The following SGMS1 variants were observed in gnomAD, a reference collection of about 807,000 sequenced individuals.
SGMS1 encodes the protein phosphatidylcholine:ceramide cholinephosphotransferase 1.
A neutral mutation model predicts 46.2 loss-of-function variants in SGMS1; 13 were observed. The ratio of observed to expected loss-of-function variants is 0.28; its 90% CI spans 0.18 to 0.45. SGMS1 has a LOEUF of 0.45. Ranked by LOEUF, SGMS1 falls within the 20% of genes least tolerant of loss-of-function variation. The pLI is 1.00. For missense variants in SGMS1, 324 were observed against 519.9 expected, an observed-to-expected ratio of 0.62 and a Z score of 3.66; for synonymous variants, 203 against 187.8, an observed-to-expected ratio of 1.08 and a Z score of -0.66.
At chr10:50,346,963 G>C (rs114728170) in intron 6 of SGMS1, among the ~76,000 whole-genome samples, 1,792 of 152,200 alleles carry the variant, frequency 0.012, 34 homozygotes, top group African/African-American at 0.041. Context: ...CTTACTCTGG[G>C]AGTCCCAATC....
chr10:50,420,713 A>G (rs1270691623), intron 6 of SGMS1, among the ~76,000 whole-genome samples: 2 of 152,244 alleles, frequency 1.3e-5, no homozygotes, highest in African/African-American at 4.8e-5. Flanking sequence ...TTTACATGAG[A>G]AGACTACATA....
chr10:50,447,697 G>A (rs1280197744), intron 5 of SGMS1, among the ~76,000 whole-genome samples: 1 of 152,018 alleles, frequency 6.6e-6, no homozygotes, highest in African/African-American at 2.4e-5. Context: ...TATACATTGT[G>A]GAATAGCTAA....
At chr10:50,602,239 T>C (rs1310010564) in intron 1 of SGMS1, among the ~76,000 whole-genome samples, 3 of 152,214 alleles carry the variant, frequency 2.0e-5, no homozygotes, top group Admixed American at 6.5e-5. Flanking sequence ...GCCCCATCTC[T>C]GCTTCTTCAA....
intron 6 of SGMS1, among the ~76,000 whole-genome samples, chr10:50,407,430 C>A (rs755532369): frequency 3.7e-4 from 57 of 152,290 alleles, no homozygotes; most frequent in Admixed American, 9.8e-4. Context: ...GTCTGCCTAA[C>A]CCGAGAAAGG....
chr10:50,623,903 C>T lies in SGMS1; in HGVS notation c.-880G>A. The T allele has an allele frequency of 2.0e-6, 2 of 987,068 alleles. No homozygotes were observed. Among genetic ancestry groups the T allele is most frequent in the South Asian group, 4.7e-5 (1 of 21,320 alleles). 61.1% of individuals were successfully genotyped at this position (987,068 alleles called of 1,614,324 possible). A position where few individuals can be genotyped will look rare whatever the true frequency, so the allele number is the denominator to read the frequency against. The stretch of plus-strand genomic sequence containing the variant: ...CTGCCCGCCGCCTGCCGCCCGCAGC[C>T]GCTGCCCCGCTGGTGCGAACGCTTT... On this transcript the variant is annotated 5_prime_UTR_variant, in exon 1 of 11. Transcript: ENST00000361781.
chr10:50,562,355 T>TGTGTGC (rs376552618), intron 2 of SGMS1, among the ~76,000 whole-genome samples: 9 of 133,424 alleles, frequency 6.7e-5, no homozygotes, highest in Non-Finnish European at 1.3e-4. Context: ...TGTGTGTGTG[T>TGTGTGC]GCGCGCGCGC....
chr10:50,560,423 ATG>A lies in SGMS1; in HGVS notation c.-589+29728_-589+29729del, dbSNP rs751189762. Reference sequence around the variant, plus strand: ...TATTATAATACATATATTACATAATATGTGTATTGTACTTATGTATATAATAT... The same window carrying A: ...TATTATAATACATATATTACATAATATGTATTGTACTTATGTATATAATAT... On this transcript the variant is annotated intron_variant, in intron 2 of 10. Coordinates refer to ENST00000361781, the MANE Select transcript of SGMS1 (RefSeq NM_147156.4). 1.5e-4 allele frequency among the ~76,000 whole-genome samples: 21 copies of A among 139,416 alleles called. No homozygotes were observed. The East Asian group carries it at 3.4e-3, about 23-fold the overall frequency. 91.5% of individuals were successfully genotyped at this position (139,416 alleles called of 152,430 possible).
chr10:50,460,425 T>A (rs1292048061), intron 5 of SGMS1, among the ~76,000 whole-genome samples: 1 of 152,230 alleles, frequency 6.6e-6, no homozygotes. Context: ...AAGAGTCTAA[T>A]GTCCTTGAGG....
At chr10:50,590,719 C>T (rs1838532645) in intron 1 of SGMS1, 2 of 152,036 alleles carry the variant, frequency 1.3e-5, no homozygotes, top group African/African-American at 4.8e-5. Flanking sequence ...AGTGTAGTTA[C>T]CATTTGTGTG....
At chr10:50,564,548 C>A (rs950830910) in intron 2 of SGMS1, among the ~76,000 whole-genome samples, 3 of 152,088 alleles carry the variant, frequency 2.0e-5, no homozygotes, top group Admixed American at 2.0e-4. Flanking sequence ...GGGCATACAC[C>A]CCGTAGCAAA....
At chr10:50,339,029 C>G (rs544953238) in intron 7 of SGMS1, among the ~76,000 whole-genome samples, 16 of 152,232 alleles carry the variant, frequency 1.1e-4, no homozygotes. Context: ...TGAGCCACCA[C>G]GCCCAGCCTG....
intron 1 of SGMS1, among the ~76,000 whole-genome samples, chr10:50,594,767 A>G (rs1300387390): frequency 1.3e-5 from 2 of 152,256 alleles, no homozygotes; most frequent in Admixed American, 1.3e-4. Flanking sequence ...GTAGGAAGGA[A>G]AGAAGAAATG....
At chr10:50,462,581 T>C (rs1837277893) in intron 4 of SGMS1, among the ~76,000 whole-genome samples, 1 of 152,228 alleles carries the variant, frequency 6.6e-6, no homozygotes. Context: ...AGAGGTTGGA[T>C]GTCACAATAG....
At chr10:50,562,231 G>T (rs1204736784) in intron 2 of SGMS1, among the ~76,000 whole-genome samples, 2 of 152,038 alleles carry the variant, frequency 1.3e-5, no homozygotes, top group African/African-American at 2.4e-5. Flanking sequence ...GCACAAAAAT[G>T]GTTATGTGAT....
intron 6 of SGMS1, among the ~76,000 whole-genome samples, chr10:50,402,402 C>A (rs1443318900): frequency 6.6e-6 from 1 of 152,120 alleles, no homozygotes; most frequent in Non-Finnish European, 1.5e-5. Context: ...ATAAACAAAA[C>A]CATTAGACAT....
chr10:50,314,965 T>C (rs1847316107), intron 8 of SGMS1, among the ~76,000 whole-genome samples: 1 of 152,082 alleles, frequency 6.6e-6, no homozygotes, highest in Admixed American at 6.6e-5. Flanking sequence ...ATGGGAACTG[T>C]TAAATAACTA....
chr10:50,429,796 T>C (rs1174118948), intron 6 of SGMS1, among the ~76,000 whole-genome samples: 1 of 151,990 alleles, frequency 6.6e-6, no homozygotes, highest in East Asian at 1.9e-4. Context: ...GTTTCTTAAA[T>C]CTCTCAAGAA....
chr10:50,573,600 A>G (rs1838354311), intron 2 of SGMS1, among the ~76,000 whole-genome samples: 1 of 152,242 alleles, frequency 6.6e-6, no homozygotes, highest in South Asian at 2.1e-4. Context: ...AAAGCAATTT[A>G]CAGTTTCAAT....
At chr10:50,615,866 T>C (rs994289154) in intron 1 of SGMS1, among the ~76,000 whole-genome samples, 2 of 152,186 alleles carry the variant, frequency 1.3e-5, no homozygotes, top group South Asian at 2.1e-4. Context: ...TCTAATTATA[T>C]ACCATCTGTC....
Sources: allele counts gnomAD v4.1 joint callset (sites outside exome capture counted in the v4.1 genomes callset), GRCh38; gene constraint gnomAD v4.1.1; transcripts MANE v1.5; gene names NCBI Gene and HGNC (gene_info 2026-07-23, HGNC 2026-07-21).